Variants in TMEM272 observed in about 807,000 individuals in gnomAD.
TMEM272 encodes the protein long intergenic non-protein coding RNA 282.
A neutral mutation model predicts 3.7 loss-of-function variants in TMEM272; 8 were observed. The ratio of observed to expected loss-of-function variants is 2.17; its 90% CI spans 1.27 to 3.91. The LOEUF (loss-of-function observed/expected upper bound fraction) is 3.91. TMEM272 is among the 30% of genes most tolerant of loss of function. The pLI, the probability that TMEM272 is intolerant of heterozygous loss-of-function variation, is 0.00. For synonymous variants in TMEM272, 63 were observed against 39.8 expected (o/e 1.58, Z -2.20); for missense variants, 166 against 91.5 (o/e 1.81, Z -3.32).
the TMEM272 span, among the ~76,000 whole-genome samples, chr13:51,925,357 G>C: frequency 6.6e-6 from 1 of 152,182 alleles, no homozygotes; most frequent in African/African-American, 2.4e-5. Flanking sequence ...TACATCATCA[G>C]CAAAAGTACT....
chr13:51,895,717 G>A, the TMEM272 span, among the ~76,000 whole-genome samples: 1 of 151,988 alleles, frequency 6.6e-6, no homozygotes, highest in Non-Finnish European at 1.5e-5. Flanking sequence ...TGGGATGGGG[G>A]AAAAAATAAA....
At chr13:51,852,408 C>A in the TMEM272 span, among the ~76,000 whole-genome samples, 1 of 152,182 alleles carries the variant, frequency 6.6e-6, no homozygotes, top group African/African-American at 2.4e-5. Context: ...GTGAACATGA[C>A]AAAGTCTCCT....
chr13:51,886,655 A>G, the TMEM272 span, among the ~76,000 whole-genome samples: 1 of 152,250 alleles, frequency 6.6e-6, no homozygotes, highest in Non-Finnish European at 1.5e-5. Flanking sequence ...ACTTCAAGTT[A>G]TACTTACTAC....
At position 51,822,047 on chromosome 13, in the gene TMEM272, T is replaced by A. The variant is rs757494805; in HGVS notation, c.201+8A>T. 1.4e-6 allele frequency: 1 copy of A among 702,504 alleles called. No individual in the cohort carries two copies. Among genetic ancestry groups the A allele is most frequent in the Non-Finnish European group, 2.6e-6 (1 of 384,992 alleles). The allele number at this position is 702,504 out of a possible 1,614,324, so 43.5% of individuals were successfully genotyped here. On this transcript the variant is annotated splice_region_variant and intron_variant, in intron 4 of 4. Coordinates refer to ENST00000629372, the MANE Select transcript of TMEM272 (RefSeq NM_001351003.2). ...AAGGACTACAAACAGCAGATAAAGA[T>A]ACTTTACCTTTAAGGTACCGACGAT... is the stretch of plus-strand genomic sequence containing the variant.
At chr13:51,910,521 G>A in the TMEM272 span, 5 of 730,374 alleles carry the variant, frequency 6.8e-6, no homozygotes, top group African/African-American at 3.4e-5. Flanking sequence ...ATAAGGATTC[G>A]AATTTGGTCT....
At chr13:51,819,494 G>C (rs1234899392) in intron 4 of TMEM272, among the ~76,000 whole-genome samples, 3 of 152,182 alleles carry the variant, frequency 2.0e-5, no homozygotes, top group African/African-American at 7.2e-5. Flanking sequence ...AATGATGCCA[G>C]GAGAAAGGAA....
the TMEM272 span, among the ~76,000 whole-genome samples, chr13:51,870,096 T>C: frequency 6.6e-6 from 1 of 152,180 alleles, no homozygotes; most frequent in African/African-American, 2.4e-5. Flanking sequence ...GTTACCCCTT[T>C]CCCTGTGAAA....
At chr13:51,887,759 C>A in the TMEM272 span, among the ~76,000 whole-genome samples, 1 of 152,198 alleles carries the variant, frequency 6.6e-6, no homozygotes, top group Non-Finnish European at 1.5e-5. Flanking sequence ...ACTCTGCCAA[C>A]TCTTCTCAAT....
the TMEM272 span, among the ~76,000 whole-genome samples, chr13:51,891,666 C>G: frequency 2.0e-5 from 3 of 152,170 alleles, no homozygotes; most frequent in Non-Finnish European, 2.9e-5. Flanking sequence ...GACATCTGCA[C>G]GAAGGATTCC....
At chr13:51,913,868 T>C in the TMEM272 span, among the ~76,000 whole-genome samples, 1 of 152,314 alleles carries the variant, frequency 6.6e-6, no homozygotes, top group Non-Finnish European at 1.5e-5. Flanking sequence ...AGACCTGTGG[T>C]GATCAAGCAG....
chr13:51,835,981 G>A (rs1459890140), intron 2 of TMEM272, among the ~76,000 whole-genome samples: 2 of 152,138 alleles, frequency 1.3e-5, no homozygotes, highest in African/African-American at 4.8e-5. Flanking sequence ...ACCTAATAAA[G>A]CCTTTGGGTC....
At chr13:51,854,003 T>C in the TMEM272 span, among the ~76,000 whole-genome samples, 46 of 152,224 alleles carry the variant, frequency 3.0e-4, no homozygotes, top group Non-Finnish European at 6.2e-4. Flanking sequence ...AATAATAGCA[T>C]TGAAAAGATT....
At chr13:51,823,615 A>G (rs899900294) in intron 3 of TMEM272, among the ~76,000 whole-genome samples, 3 of 152,260 alleles carry the variant, frequency 2.0e-5, no homozygotes, top group South Asian at 2.1e-4. Context: ...TTGTGGCTGT[A>G]GCACAGTTAA....
At chr13:51,859,505 A>ACACACAC in the TMEM272 span, among the ~76,000 whole-genome samples, 7 of 129,868 alleles carry the variant, frequency 5.4e-5, no homozygotes, top group Admixed American at 1.5e-4. Context: ...CTCCCAACCA[A>ACACACAC]ACACACACAC....
the TMEM272 span, among the ~76,000 whole-genome samples, chr13:51,876,274 A>AT: frequency 6.6e-6 from 1 of 152,092 alleles, no homozygotes; most frequent in African/African-American, 2.4e-5. Flanking sequence ...CTCCTGTTGG[A>AT]TTTTCCTTTG....
chr13:51,825,278 G>A (rs1956114353), intron 3 of TMEM272, among the ~76,000 whole-genome samples: 1 of 152,192 alleles, frequency 6.6e-6, no homozygotes, highest in Non-Finnish European at 1.5e-5. Context: ...CTGTCAGGCT[G>A]TTAGCTTTCA....
At chr13:51,865,429 G>A in the TMEM272 span, 4 of 1,612,552 alleles carry the variant, frequency 2.5e-6, no homozygotes, top group Admixed American at 3.4e-5. Flanking sequence ...CCTTCAAGGT[G>A]AGCAGATGGA....
chr13:51,815,808 C>T lies in TMEM272; in HGVS notation c.*943G>A, dbSNP rs1956016944. On this transcript the variant is annotated 3_prime_UTR_variant, in exon 5 of 5. Coordinates refer to ENST00000629372, the MANE Select transcript of TMEM272 (RefSeq NM_001351003.2). ...CACTGTTCGGTGTCATCCTGGACTT[C>T]CAGACATCTCAATTTACAAAAGGCT... 6 of 152,216 alleles carry T rather than the reference C, an allele frequency of 3.9e-5. No individual in the cohort carries two copies. The highest frequency in any genetic ancestry group is 3.9e-4 in the Admixed American group (6 of 15,276). The allele number at this position is 152,216 out of a possible 1,614,324, so 9.4% of individuals were successfully genotyped here. A position where few individuals can be genotyped will look rare whatever the true frequency, so the allele number is the denominator to read the frequency against.
the TMEM272 span, among the ~76,000 whole-genome samples, chr13:51,869,099 T>A: frequency 1.2e-4 from 19 of 152,322 alleles, no homozygotes; most frequent in Non-Finnish European, 2.2e-4. Context: ...CCTAGACTCA[T>A]GCAAGAGTTT....
Sources: gnomAD v4.1 joint callset for allele counts (sites outside exome capture counted in the v4.1 genomes callset) on GRCh38, gnomAD v4.1.1 for gene constraint, MANE v1.5 for transcripts, NCBI Gene and HGNC (gene_info 2026-07-23, HGNC 2026-07-21) for gene names.